Variants in SEC24B observed in about 807,000 individuals in gnomAD.
The protein encoded by SEC24B is protein transport protein Sec24B.
Under a neutral mutation model 142.8 loss-of-function variants are expected in SEC24B, and 45 were observed. The observed-to-expected ratio is 0.32, with a 90% confidence interval of 0.25 to 0.40. The LOEUF (loss-of-function observed/expected upper bound fraction) is 0.40. SEC24B is among the 10% of genes least tolerant of loss of function. The pLI, the probability that SEC24B is intolerant of heterozygous loss-of-function variation, is 1.00. For missense variants in SEC24B, 1,409 were observed against 1,526.8 expected (o/e 0.92, Z 1.29); for synonymous variants, 574 against 568.2 (o/e 1.01, Z -0.15).
intron 5 of SEC24B, among the ~76,000 whole-genome samples, chr4:109,494,319 A>G (rs41277033): frequency 1.7e-3 from 264 of 152,272 alleles, no homozygotes; most frequent in South Asian, 2.3e-3. Flanking sequence ...CAACTAATGT[A>G]TCTGTTGGTG....
chr4:109,482,052 C>T (rs1449673652), intron 4 of SEC24B, among the ~76,000 whole-genome samples: 3 of 152,190 alleles, frequency 2.0e-5, no homozygotes, highest in East Asian at 3.8e-4. Flanking sequence ...TGCATTTTCT[C>T]CCATGTCACA....
At chr4:109,492,017 A>ATC (rs1054830826) in intron 5 of SEC24B, among the ~76,000 whole-genome samples, 3 of 151,902 alleles carry the variant, frequency 2.0e-5, no homozygotes, top group South Asian at 4.2e-4. Context: ...ACTGTACCTG[A>ATC]TCTCTCTCTC....
intron 18 of SEC24B, 60 bp from the exon 19 acceptor site, chr4:109,530,228 CT>C: frequency 6.9e-7 from 1 of 1,440,334 alleles, no homozygotes; most frequent in Non-Finnish European, 9.4e-7. Context: ...TAAATTTTCT[CT>C]CTTATAGTGC....
At chr4:109,437,265 G>A (rs993382797) in intron 1 of SEC24B, among the ~76,000 whole-genome samples, 3 of 152,080 alleles carry the variant, frequency 2.0e-5, no homozygotes, top group Non-Finnish European at 2.9e-5. Flanking sequence ...AATGAGAGTA[G>A]AGTGAAAGAA....
chr4:109,495,715 T>G (rs1219847891), intron 6 of SEC24B, among the ~76,000 whole-genome samples: 1 of 152,172 alleles, frequency 6.6e-6, no homozygotes, highest in African/African-American at 2.4e-5. Flanking sequence ...TCTTGTCTGC[T>G]CGTGTGACTG....
chr4:109,452,304 A>G (rs1271991439), intron 1 of SEC24B, among the ~76,000 whole-genome samples: 1 of 152,118 alleles, frequency 6.6e-6, no homozygotes, highest in Non-Finnish European at 1.5e-5. Context: ...GTATACCATG[A>G]TTATTTGTCC....
rs1430970756 is a variant in SEC24B at position 109,533,618 on chromosome 4, G to T, written c.3521G>T (p.Gly1174Val). The part of the protein sequence containing the change: ...GSVFYIWVGK[G>V]CDNNFIEDVL... ...GTTTTTTACATTTGGGTTGGGAAAG[G>T]CTGTGACAATAACTTCATAGAGGAT... The change falls in exon 22 of 24, where the codon GGC becomes GTC. Residue 1174 changes from glycine (G) to valine (V), a missense_variant. This residue lies in a region of SEC24B where 700 missense variants were observed against 853.3 expected (regional missense o/e 0.82). Coordinates refer to ENST00000265175, the MANE Select transcript of SEC24B (RefSeq NM_006323.5). The T allele has an allele frequency of 1.9e-6, 3 of 1,610,918 alleles. No homozygotes were observed. The highest frequency in any genetic ancestry group is 1.1e-5 in the South Asian group (1 of 90,184).
At chr4:109,505,372 A>T (rs576414114) in intron 6 of SEC24B, among the ~76,000 whole-genome samples, 199 of 152,214 alleles carry the variant, frequency 1.3e-3, no homozygotes, top group Non-Finnish European at 2.2e-3. Flanking sequence ...TAATAATCTG[A>T]CATAATATTG....
At chr4:109,527,245 GAAA>G in intron 17 of SEC24B, 74 bp from the exon 18 acceptor site, 1 of 970,938 alleles carries the variant, frequency 1.0e-6, no homozygotes, top group Non-Finnish European at 1.6e-6. Context: ...AAGAAAGAAA[GAAA>G]AAAAGTATTT....
chr4:109,531,919 G>A (rs1449246907), intron 20 of SEC24B, among the ~76,000 whole-genome samples: 11 of 152,146 alleles, frequency 7.2e-5, no homozygotes, highest in Admixed American at 7.2e-4. Flanking sequence ...GAGTGCAGTG[G>A]TGTGATCTCG....
At chr4:109,490,871 C>T (rs138631171) in intron 4 of SEC24B, among the ~76,000 whole-genome samples, 1 of 152,170 alleles carries the variant, frequency 6.6e-6, no homozygotes, top group East Asian at 1.9e-4. Context: ...ACAGACTCCT[C>T]ATTTATGAAT....
chr4:109,494,898 A>G lies in SEC24B; in HGVS notation c.1488+42A>G, dbSNP rs763253060. On this transcript the variant is annotated intron_variant, in intron 6 of 23. Transcript: ENST00000265175. ...ATACACACATTGTAACAGTTATAAAACTTAATTCTGACAAGTTACTGGTGG... is the reference window on the plus strand; with the variant it reads ...ATACACACATTGTAACAGTTATAAAGCTTAATTCTGACAAGTTACTGGTGG... 4 of 1,599,970 alleles carry G rather than the reference A, an allele frequency of 2.5e-6. 1 individual carries two copies. In the South Asian group the frequency reaches 4.4e-5, roughly 18 times the overall value.
Position 109,521,792 on chromosome 4 carries a change from C to T in SEC24B, c.2508+166C>T, listed in dbSNP as rs552647546. Among the ~76,000 whole-genome samples the T allele has an allele frequency of 1.4e-4, 21 of 152,296 alleles. No homozygotes were observed. The South Asian group carries it at 2.9e-3, about 21-fold the overall frequency. ...TGTTGCCCAGGCTGGAGCGCAGTGG[C>T]GCGATCTTGTCTCACTGCAACCTCT... is the stretch of plus-strand genomic sequence containing the variant. On this transcript the variant is annotated intron_variant, in intron 14 of 23. Coordinates refer to ENST00000265175, the MANE Select transcript of SEC24B (RefSeq NM_006323.5).
intron 6 of SEC24B, among the ~76,000 whole-genome samples, chr4:109,495,102 T>C (rs1390753956): frequency 2.0e-5 from 3 of 152,240 alleles, no homozygotes; most frequent in African/African-American, 7.2e-5. Flanking sequence ...GATATGATTT[T>C]ATTTTTCTTC....
chr4:109,454,306 A>G (rs1730438999), intron 1 of SEC24B, among the ~76,000 whole-genome samples: 1 of 152,072 alleles, frequency 6.6e-6, no homozygotes, highest in Non-Finnish European at 1.5e-5. Context: ...AGGGAGGCCG[A>G]GGCAGGAGGA....
chr4:109,503,601 G>A (rs931106445), intron 6 of SEC24B, among the ~76,000 whole-genome samples: 3 of 151,810 alleles, frequency 2.0e-5, no homozygotes, highest in Middle Eastern at 3.2e-3. Flanking sequence ...GTTAAGTGAC[G>A]CGCCCACTTC....
intron 6 of SEC24B, among the ~76,000 whole-genome samples, chr4:109,498,858 T>TTTTGACAGGTTTTTGACA (rs1735811548): frequency 6.6e-6 from 1 of 151,630 alleles, no homozygotes; most frequent in Non-Finnish European, 1.5e-5. Context: ...CCCTAACAGT[T>TTTTGACAGGTTTTTGACA]GGTTTTTGAC....
chr4:109,472,878 A>G (rs1732671505), intron 2 of SEC24B, 126 bp from the exon 3 acceptor site: 1 of 303,468 alleles, frequency 3.3e-6, no homozygotes, highest in Non-Finnish European at 5.6e-6. Flanking sequence ...CTATTTTGTT[A>G]GTGATATATA....
At chr4:109,507,463 G>A (rs1464327558) in intron 7 of SEC24B, among the ~76,000 whole-genome samples, 1 of 151,530 alleles carries the variant, frequency 6.6e-6, no homozygotes. Flanking sequence ...TATTAGAGAT[G>A]GGGTTTCACC....
Sources: allele counts gnomAD v4.1 joint callset (sites outside exome capture counted in the v4.1 genomes callset), GRCh38; gene constraint gnomAD v4.1.1; regional missense constraint gnomAD v4.1.1; transcripts MANE v1.5; gene names NCBI Gene and HGNC (gene_info 2026-07-23, HGNC 2026-07-21).